Variants in KHDRBS2 observed in about 807,000 individuals in gnomAD.
The protein encoded by KHDRBS2 is KH domain-containing, RNA-binding, signal transduction-associated protein 2.
Under a neutral mutation model 44.3 loss-of-function variants are expected in KHDRBS2, and 26 were observed. The observed-to-expected ratio is 0.59, with a 90% CI of 0.43 to 0.81. The LOEUF is 0.81. Among genes scored for constraint, KHDRBS2 ranks in the 40% least tolerant of loss-of-function variants. KHDRBS2 has a pLI of 0.00. For synonymous variants in KHDRBS2, 194 were observed against 151.1 expected, an observed-to-expected ratio of 1.28 and a Z score of -2.08; for missense variants, 476 against 433.1, an observed-to-expected ratio of 1.10 and a Z score of -0.88.
At chr6:61,835,703 A>ATG (rs549708878) in intron 6 of KHDRBS2, among the ~76,000 whole-genome samples, 88 of 111,674 alleles carry the variant, frequency 7.9e-4, no homozygotes, top group African/African-American at 1.9e-3. Context: ...GCTAATGTTG[A>ATG]TGTGTGCGTG....
intron 8 of KHDRBS2, among the ~76,000 whole-genome samples, chr6:61,684,880 C>A (rs1236191303): frequency 1.3e-5 from 2 of 151,180 alleles, no homozygotes; most frequent in East Asian, 3.9e-4. Flanking sequence ...TTTAAAGTAT[C>A]ATATATTATA....
chr6:62,092,231 T>C (rs1424630504), intron 2 of KHDRBS2, among the ~76,000 whole-genome samples: 2 of 152,210 alleles, frequency 1.3e-5, no homozygotes, highest in South Asian at 2.1e-4. Context: ...GTTTGACGCC[T>C]GCAACCCCAC....
the KHDRBS2 span, among the ~76,000 whole-genome samples, chr6:61,616,803 T>TC: frequency 2.5e-3 from 373 of 152,220 alleles, 1 homozygote; most frequent in African/African-American, 8.5e-3. Flanking sequence ...TAGACCCAGC[T>TC]CCCCGATTCT....
chr6:61,994,399 T>C (rs1361812117), intron 3 of KHDRBS2, among the ~76,000 whole-genome samples: 2 of 152,342 alleles, frequency 1.3e-5, no homozygotes, highest in Non-Finnish European at 2.9e-5. Context: ...AATCATTTTC[T>C]TAAGAATCCT....
At chr6:62,274,383 C>A (rs1840577911) in intron 1 of KHDRBS2, among the ~76,000 whole-genome samples, 1 of 152,110 alleles carries the variant, frequency 6.6e-6, no homozygotes, top group Non-Finnish European at 1.5e-5. Flanking sequence ...CTTTTTAATA[C>A]CTTTCAATGA....
intron 4 of KHDRBS2, among the ~76,000 whole-genome samples, chr6:61,975,324 T>C (rs1348632564): frequency 6.6e-6 from 1 of 152,202 alleles, no homozygotes; most frequent in Non-Finnish European, 1.5e-5. Flanking sequence ...TTTGTTGTTC[T>C]AGCATGTCTC....
intron 1 of KHDRBS2, among the ~76,000 whole-genome samples, chr6:62,230,641 A>G (rs1832750631): frequency 6.6e-6 from 1 of 152,180 alleles, no homozygotes; most frequent in African/African-American, 2.4e-5. Flanking sequence ...TTACTATTAT[A>G]TATTTTACTT....
At chr6:61,843,265 C>CACA (rs1357995453) in intron 6 of KHDRBS2, among the ~76,000 whole-genome samples, 1 of 151,432 alleles carries the variant, frequency 6.6e-6, no homozygotes, top group African/African-American at 2.4e-5. Flanking sequence ...GTGATGGTTG[C>CACA]ACAACTTTGT....
At chr6:62,010,484 GA>G (rs1224943162) in intron 3 of KHDRBS2, among the ~76,000 whole-genome samples, 7 of 152,134 alleles carry the variant, frequency 4.6e-5, no homozygotes, top group Admixed American at 2.0e-4. Flanking sequence ...TTTGAAATGT[GA>G]GGACATGAGA....
At chr6:61,761,192 G>A (rs1779218317) in intron 6 of KHDRBS2, among the ~76,000 whole-genome samples, 1 of 152,140 alleles carries the variant, frequency 6.6e-6, no homozygotes, top group Admixed American at 6.6e-5. Flanking sequence ...TGTAATGCCT[G>A]TCTGATGCAA....
At chr6:61,974,342 A>G (rs770512674) in intron 4 of KHDRBS2, among the ~76,000 whole-genome samples, 9 of 152,124 alleles carry the variant, frequency 5.9e-5, no homozygotes, top group Non-Finnish European at 1.3e-4. Flanking sequence ...CTGAACTATG[A>G]AAGAAAGAAA....
the KHDRBS2 span, among the ~76,000 whole-genome samples, chr6:61,653,613 CAGAG>C: frequency 0.56 from 82,549 of 148,600 alleles, 22,708 homozygotes; most frequent in Non-Finnish European, 0.61. Flanking sequence ...AACTGAGAGA[CAGAG>C]AGAGAGAGAG....
the KHDRBS2 span, among the ~76,000 whole-genome samples, chr6:61,655,646 A>G: frequency 3.3e-5 from 5 of 152,090 alleles, no homozygotes; most frequent in Admixed American, 6.6e-5. Context: ...CAACCAAAAA[A>G]TTACTTTTAA....
intron 3 of KHDRBS2, among the ~76,000 whole-genome samples, chr6:62,009,930 G>T (rs148173707): frequency 1.3e-5 from 2 of 152,180 alleles, no homozygotes; most frequent in African/African-American, 4.8e-5. Flanking sequence ...GAAGGGAAGC[G>T]TGGGGTTGGA....
the KHDRBS2 span, among the ~76,000 whole-genome samples, chr6:61,588,147 T>C: frequency 5.3e-5 from 8 of 152,332 alleles, no homozygotes; most frequent in Admixed American, 2.0e-4. Flanking sequence ...TAAATGTCCA[T>C]TTATTAGGGT....
At chr6:62,193,390 C>A (rs1825006231) in intron 1 of KHDRBS2, among the ~76,000 whole-genome samples, 1 of 151,944 alleles carries the variant, frequency 6.6e-6, no homozygotes. Flanking sequence ...AATATGTGTT[C>A]TAATTTTTAT....
At chr6:61,642,913 C>G in the KHDRBS2 span, among the ~76,000 whole-genome samples, 1 of 152,092 alleles carries the variant, frequency 6.6e-6, no homozygotes, top group South Asian at 2.1e-4. Flanking sequence ...ATGTTTTCCA[C>G]CCTGAAAGGA....
intron 6 of KHDRBS2, among the ~76,000 whole-genome samples, chr6:61,806,618 TA>T (rs1267809531): frequency 3.7e-5 from 5 of 133,504 alleles, no homozygotes; most frequent in Non-Finnish European, 6.3e-5. Context: ...TATGTTATTA[TA>T]TTGGTATACG....
intron 6 of KHDRBS2, among the ~76,000 whole-genome samples, chr6:61,759,267 C>T (rs541714233): frequency 8.1e-4 from 123 of 152,178 alleles, no homozygotes; most frequent in African/African-American, 3.0e-3. Flanking sequence ...CATCTAACAA[C>T]GTACACCAAA....
Sources: gnomAD v4.1 joint callset for allele counts (sites outside exome capture counted in the v4.1 genomes callset) on GRCh38, gnomAD v4.1.1 for gene constraint, MANE v1.5 for transcripts, NCBI Gene and HGNC (gene_info 2026-07-23, HGNC 2026-07-21) for gene names.